PIAS4: variants seen among roughly 807,000 people sequenced by gnomAD.
PIAS4 encodes the protein protein inhibitor of activated STAT 4.
In PIAS4, 7 loss-of-function variants were observed where a neutral mutation model predicts 58.0. That is an observed-to-expected ratio of 0.12 (90% CI 0.07 to 0.23). The LOEUF is 0.23. Ranked by LOEUF, PIAS4 falls within the 10% of genes least tolerant of loss-of-function variation. The pLI, the probability that PIAS4 is intolerant of heterozygous loss-of-function variation, is 1.00. For missense variants in PIAS4, 550 were observed against 709.5 expected (o/e 0.78, Z 2.55); for synonymous variants, 364 against 312.4 (o/e 1.17, Z -1.74).
chr19:4,029,879 A>G (rs2040206362), intron 7 of PIAS4, among the ~76,000 whole-genome samples: 1 of 127,882 alleles, frequency 7.8e-6, no homozygotes, highest in Non-Finnish European at 1.6e-5. Context: ...CTGGAGTGCA[A>G]TGGCACGATC....
chr19:4,019,352 C>T (rs920069957), intron 2 of PIAS4, among the ~76,000 whole-genome samples: 1 of 152,184 alleles, frequency 6.6e-6, no homozygotes, highest in Non-Finnish European at 1.5e-5. Context: ...CCGGTCTCCC[C>T]CAGAGGGAGG....
At chr19:4,020,516 A>T (rs1392516035) in intron 2 of PIAS4, among the ~76,000 whole-genome samples, 4 of 152,104 alleles carry the variant, frequency 2.6e-5, no homozygotes, top group East Asian at 1.9e-4. Flanking sequence ...CTCTTCCGAT[A>T]TTTTTTACAC....
chr19:4,037,944 A>C lies in PIAS4; in HGVS notation c.*69A>C. ...GGGCACGGGCCAGCCTCGGGCGCAG[A>C]GGGAGGAGTGACCTTTCTTTTTCTT... On this transcript the variant is annotated 3_prime_UTR_variant, in exon 11 of 11. Coordinates refer to ENST00000262971, the MANE Select transcript of PIAS4 (RefSeq NM_015897.4). This position sits in a 1 kb window ranked among gnomAD's most constrained non-coding sequence, Gnocchi z 5.8. 6.9e-7 allele frequency: 1 copy of C among 1,454,462 alleles called. No individual in the cohort carries two copies. Among genetic ancestry groups the C allele is most frequent in the Non-Finnish European group, 9.2e-7 (1 of 1,091,792 alleles). 90.1% of individuals were successfully genotyped at this position (1,454,462 alleles called of 1,614,324 possible).
intron 2 of PIAS4, among the ~76,000 whole-genome samples, chr19:4,020,665 GC>G (rs1463102537): frequency 1.3e-5 from 2 of 152,184 alleles, no homozygotes; most frequent in African/African-American, 4.8e-5. Context: ...TTGCTATGTT[GC>G]CCAGGCTGGT....
chr19:4,026,085 A>G (rs1224815076), intron 3 of PIAS4, among the ~76,000 whole-genome samples: 2 of 150,804 alleles, frequency 1.3e-5, no homozygotes, highest in East Asian at 1.9e-4. Flanking sequence ...AAAAAAAAAA[A>G]AAAAAAAAGT....
At chr19:4,021,742 CTTTTTTT>C (rs776416490) in intron 2 of PIAS4, among the ~76,000 whole-genome samples, 12 of 104,078 alleles carry the variant, frequency 1.2e-4, no homozygotes, top group South Asian at 6.8e-4. Context: ...TTTTCTTTTT[CTTTTTTT>C]TTTTTTTTTT....
chr19:4,030,419 A>G (rs2144934055), intron 7 of PIAS4, among the ~76,000 whole-genome samples: 1 of 152,106 alleles, frequency 6.6e-6, no homozygotes, highest in South Asian at 2.1e-4. Context: ...GGAGAGCAAC[A>G]CCATCCTGGC....
In PIAS4 at chr19:4,029,504, G is replaced by A. The variant is rs1038902294; in HGVS notation, c.907+468G>A. ...CTGTGGGAGGAAGACGGGCGGCGGC[G>A]GTCTGACCTCACGTTGGTGAGGCCC... On this transcript the variant is annotated intron_variant, in intron 7 of 10. Coordinates refer to ENST00000262971, the MANE Select transcript of PIAS4 (RefSeq NM_015897.4). Among the ~76,000 whole-genome samples the A allele has an allele frequency of 5.9e-5, 9 of 152,102 alleles. No individual in the cohort carries two copies. In the South Asian group the frequency reaches 8.3e-4, roughly 14 times the overall value.
chr19:4,035,300 C>G (rs77379038), intron 9 of PIAS4, among the ~76,000 whole-genome samples: 1 of 152,056 alleles, frequency 6.6e-6, no homozygotes, highest in East Asian at 1.9e-4. Context: ...CCAGCCTGGG[C>G]CCTGCATGGA....
At chr19:4,020,816 G>C (rs114630868) in intron 2 of PIAS4, among the ~76,000 whole-genome samples, 10,798 of 152,196 alleles carry the variant, frequency 0.071, 1,264 homozygotes, top group African/African-American at 0.25. Context: ...GCCTGGGCTG[G>C]GCTCCAACTC....
chr19:4,021,434 C>T (rs1026518014), intron 2 of PIAS4, among the ~76,000 whole-genome samples: 5 of 152,004 alleles, frequency 3.3e-5, no homozygotes, highest in Non-Finnish European at 5.9e-5. Flanking sequence ...CATGAGCCAC[C>T]GCACCTGGCC....
chr19:4,037,334 G>GGGGC lies in PIAS4; in HGVS notation c.1143-40_1143-39insGGGC. On this transcript the variant is annotated intron_variant, in intron 9 of 10. Coordinates refer to ENST00000262971, the MANE Select transcript of PIAS4 (RefSeq NM_015897.4). This position sits in a 1 kb window ranked among gnomAD's most constrained non-coding sequence, Gnocchi z 5.8. ...AGGGCTGGGGAGTTGGGGGGGTGGG[G>GGGGC]CACCTCCAGCCCCGGCGTCAGCTGT... is the stretch of plus-strand genomic sequence containing the variant. 6.6e-7 allele frequency: 1 copy of GGGGC among 1,511,320 alleles called. No homozygotes were observed. Among genetic ancestry groups the GGGGC allele is most frequent in the Non-Finnish European group, 9.0e-7 (1 of 1,107,422 alleles). The allele number at this position is 1,511,320 out of a possible 1,614,324, so 93.6% of individuals were successfully genotyped here. A position where few individuals can be genotyped will look rare whatever the true frequency, so the allele number is the denominator to read the frequency against.
At chr19:4,030,713 G>A (rs2040215197) in intron 7 of PIAS4, among the ~76,000 whole-genome samples, 1 of 152,150 alleles carries the variant, frequency 6.6e-6, no homozygotes, top group Non-Finnish European at 1.5e-5. Flanking sequence ...AGTTAGCCCT[G>A]CCTGGCGGCT....
chr19:4,028,322 A>G (rs2040188145), intron 4 of PIAS4, 135 bp downstream of exon 4: 16 of 845,104 alleles, frequency 1.9e-5, no homozygotes, highest in Non-Finnish European at 2.6e-5. Flanking sequence ...CCTGCTGTCT[A>G]TCCCTGTCTG....
intron 2 of PIAS4, among the ~76,000 whole-genome samples, chr19:4,019,180 G>A (rs2040083435): frequency 6.6e-6 from 1 of 152,186 alleles, no homozygotes; most frequent in Non-Finnish European, 1.5e-5. Context: ...GCCCCAAACA[G>A]CTGACCCCGA....
At chr19:4,028,462 C>T in intron 4 of PIAS4, 48 bp from the exon 5 acceptor site, 1 of 1,398,816 alleles carries the variant, frequency 7.1e-7, no homozygotes, top group Non-Finnish European at 1.0e-6. Context: ...CAGCCTAGTC[C>T]CTCCTGTGCG....
At position 4,024,138 on chromosome 19, in the gene PIAS4, C is replaced by G; in HGVS notation, c.539+18C>G. On this transcript the variant is annotated intron_variant, in intron 3 of 10. Transcript: ENST00000262971. ...AACTCCAGGTGTGCGGCACCTCCCC[C>G]AGCCCAGCACCCCACCGCCCGCCCA... The G allele has an allele frequency of 6.3e-7, 1 of 1,590,142 alleles. No individual in the cohort carries two copies. The highest frequency in any genetic ancestry group is 8.6e-7 in the Non-Finnish European group (1 of 1,158,366).
Position 4,028,530 on chromosome 19 carries a change from G to C in PIAS4, c.602G>C (p.Ser201Thr). 6.2e-7 allele frequency: 1 copy of C among 1,612,836 alleles called. No homozygotes were observed. Among genetic ancestry groups the C allele is most frequent in the Non-Finnish European group, 8.5e-7 (1 of 1,179,842 alleles). ...VVLRICYSDT[S>T]CPQEDQYPPN... Reference sequence around the variant, plus strand: ...TGCAGAATCTGTTACTCAGACACCAGCTGCCCTCAGGAGGACCAGTACCCG... The same window carrying C: ...TGCAGAATCTGTTACTCAGACACCACCTGCCCTCAGGAGGACCAGTACCCG... The change falls in exon 5 of 11, where the codon AGC (serine) becomes ACC (threonine). Residue 201 changes from serine to threonine, a missense_variant. Ser to Thr is a moderately conservative substitution (Grantham distance 58, BLOSUM62 1). Coordinates refer to ENST00000262971, the MANE Select transcript of PIAS4 (RefSeq NM_015897.4).
chr19:4,028,723 T>C lies in PIAS4; in HGVS notation c.676T>C (p.Tyr226His). ...TGAGCGGCCCATCTGCTTGCAGGGC[T>C]ACTACCCCTCCAATAAGCCCGGGGT... ...VNHSYCSVPG[Y>H]YPSNKPGVEP... Residue 226 changes from tyrosine to histidine, a missense_variant, in exon 6 of 11, where the codon TAC (tyrosine) becomes CAC (histidine). Around this residue, in one of 4 missense-constraint regions of PIAS4, gnomAD observed 225 missense variants for 345.8 expected, o/e 0.65. Transcript: ENST00000262971. 5 of 1,610,456 alleles carry C rather than the reference T, an allele frequency of 3.1e-6. No homozygotes were observed. The highest frequency in any genetic ancestry group is 3.4e-6 in the Non-Finnish European group (4 of 1,178,280).
Sources: gnomAD v4.1 joint callset for allele counts (sites outside exome capture counted in the v4.1 genomes callset) on GRCh38, gnomAD v4.1.1 for gene constraint, gnomAD v4.1.1 regional missense constraint, Gnocchi (gnomAD v3.1) non-coding constraint, MANE v1.5 for transcripts, NCBI Gene and HGNC (gene_info 2026-07-23, HGNC 2026-07-21) for gene names.